The following BANK1 variants were observed in gnomAD, a reference collection of about 807,000 sequenced individuals.
BANK1 encodes B-cell scaffold protein with ankyrin repeats.
BANK1 carries 95 observed loss-of-function variants against 94.5 expected under a neutral mutation model. The observed-to-expected ratio is 1.00, with a 90% confidence interval of 0.85 to 1.19. The LOEUF (loss-of-function observed/expected upper bound fraction) is 1.19, where lower values mean the gene tolerates loss of function less well. Among genes scored for constraint, BANK1 ranks in the 50% most tolerant of loss-of-function variants. The pLI is 0.00. For synonymous variants in BANK1, 334 were observed against 308.4 expected (o/e 1.08, Z -0.87); for missense variants, 987 against 932.2 (o/e 1.06, Z -0.77).
intron 7 of BANK1, among the ~76,000 whole-genome samples, chr4:101,988,925 C>T (rs182539224): frequency 8.5e-5 from 13 of 152,240 alleles, no homozygotes; most frequent in African/African-American, 2.9e-4. Context: ...TAAGAAATTA[C>T]CATATACCCT....
At chr4:102,012,066 A>G (rs919754403) in intron 7 of BANK1, among the ~76,000 whole-genome samples, 1 of 152,152 alleles carries the variant, frequency 6.6e-6, no homozygotes, top group Non-Finnish European at 1.5e-5. Context: ...TTTTTAAATG[A>G]GATACTTCTC....
chr4:101,802,055 G>A (rs181519948), intron 1 of BANK1, among the ~76,000 whole-genome samples: 4 of 152,136 alleles, frequency 2.6e-5, no homozygotes, highest in Non-Finnish European at 4.4e-5. Context: ...CAATATTTGG[G>A]CAGGAAAACA....
intron 5 of BANK1, among the ~76,000 whole-genome samples, chr4:101,888,858 A>G (rs1721731011): frequency 6.6e-6 from 1 of 152,208 alleles, no homozygotes. Context: ...GTGATCTGAA[A>G]TACTTCCCAG....
chr4:101,859,171 G>A (rs1376413646), intron 3 of BANK1, among the ~76,000 whole-genome samples: 1 of 152,186 alleles, frequency 6.6e-6, no homozygotes, highest in Non-Finnish European at 1.5e-5. Flanking sequence ...GGAAAATACA[G>A]TAAAAGCAGC....
chr4:102,068,231 A>T (rs191354819), intron 13 of BANK1, among the ~76,000 whole-genome samples: 2 of 152,254 alleles, frequency 1.3e-5, no homozygotes, highest in African/African-American at 4.8e-5. Context: ...TATACTAGAA[A>T]ATAACAAAAA....
chr4:101,885,918 A>G (rs1728837154), intron 5 of BANK1, among the ~76,000 whole-genome samples: 1 of 152,234 alleles, frequency 6.6e-6, no homozygotes, highest in Non-Finnish European at 1.5e-5. Flanking sequence ...AATGTACTGA[A>G]TAGTGTAGGC....
At chr4:101,859,321 A>T (rs1156896325) in intron 3 of BANK1, among the ~76,000 whole-genome samples, 1 of 152,166 alleles carries the variant, frequency 6.6e-6, no homozygotes, top group East Asian at 1.9e-4. Flanking sequence ...ACATACAGGG[A>T]CTATTAGGGG....
At chr4:101,901,771 T>G (rs1194492038) in intron 6 of BANK1, among the ~76,000 whole-genome samples, 1 of 151,906 alleles carries the variant, frequency 6.6e-6, no homozygotes, top group East Asian at 1.9e-4. Flanking sequence ...TTGTTTTTGT[T>G]TTTTTTTGAA....
Position 101,790,931 on chromosome 4 carries a change from C to T in BANK1, c.51C>T (p.Pro17=), listed in dbSNP as rs1022727058. The T allele has an allele frequency of 1.4e-5, 21 of 1,529,648 alleles. No individual in the cohort carries two copies. The highest frequency in any genetic ancestry group is 4.9e-5 in the East Asian group (2 of 40,874). 94.8% of individuals were successfully genotyped at this position (1,529,648 alleles called of 1,614,324 possible). Residue 17 remains proline (P), a synonymous_variant, in exon 1 of 17, where the codon CCC becomes CCT. Transcript: ENST00000322953. ...GKGLGSPDPA[P]CGPAPPGNTK... The stretch of plus-strand genomic sequence containing the variant: ...GGCTTGGGAGCCCGGACCCCGCCCC[C>T]TGCGGCCCAGCGCCCCCAGGTGGGT...
chr4:101,863,192 G>C (rs1727945981), intron 4 of BANK1, among the ~76,000 whole-genome samples: 1 of 151,784 alleles, frequency 6.6e-6, no homozygotes, highest in African/African-American at 2.4e-5. Flanking sequence ...TGATTATCCA[G>C]CTTTGCTTAT....
chr4:101,873,704 A>G (rs1728385917), intron 5 of BANK1, among the ~76,000 whole-genome samples: 1 of 152,302 alleles, frequency 6.6e-6, no homozygotes, highest in Non-Finnish European at 1.5e-5. Context: ...GAATCCCAGA[A>G]CATAGCCTCA....
At chr4:101,889,800 A>C (rs1721781037) in intron 5 of BANK1, among the ~76,000 whole-genome samples, 1 of 151,902 alleles carries the variant, frequency 6.6e-6, no homozygotes, top group Admixed American at 6.6e-5. Context: ...CTCTTTTCCA[A>C]TGTATTATAA....
At chr4:101,931,754 T>C (rs1055904142) in intron 7 of BANK1, among the ~76,000 whole-genome samples, 1 of 151,508 alleles carries the variant, frequency 6.6e-6, no homozygotes, top group Non-Finnish European at 1.5e-5. Flanking sequence ...ATCTGAATGC[T>C]AGTTTAATCA....
chr4:101,807,174 C>T (rs1452465254), intron 1 of BANK1, among the ~76,000 whole-genome samples: 1 of 152,084 alleles, frequency 6.6e-6, no homozygotes, highest in Non-Finnish European at 1.5e-5. Flanking sequence ...CTCATAAGAC[C>T]TTCCTCAATT....
chr4:101,899,885 A>G (rs1560623275), intron 6 of BANK1, among the ~76,000 whole-genome samples: 1 of 152,208 alleles, frequency 6.6e-6, no homozygotes, highest in Non-Finnish European at 1.5e-5. Context: ...TGGCCTCAGG[A>G]TGCAATCTAA....
chr4:102,071,209 AAGAG>A lies in BANK1; in HGVS notation c.2213-60_2213-57del, dbSNP rs1173482394. ...GAAGTAGTCCAACAATTAAAAAAAT[AAGAG>A]AGAGAATTTAAGATAAATATTGAAC... is the stretch of plus-strand genomic sequence containing the variant. On this transcript the variant is annotated intron_variant, in intron 13 of 16. Coordinates refer to ENST00000322953, the MANE Select transcript of BANK1 (RefSeq NM_017935.5). The A allele has an allele frequency of 2.8e-5, 43 of 1,524,808 alleles. No individual in the cohort carries two copies. The African/African-American group carries it at 2.9e-4, about 10-fold the overall frequency. 94.5% of individuals were successfully genotyped at this position (1,524,808 alleles called of 1,614,324 possible). A position where few individuals can be genotyped will look rare whatever the true frequency, so the allele number is the denominator to read the frequency against.
At chr4:101,988,179 C>G (rs186653216) in intron 7 of BANK1, among the ~76,000 whole-genome samples, 2 of 152,086 alleles carry the variant, frequency 1.3e-5, no homozygotes, top group African/African-American at 4.8e-5. Context: ...TTATGTTTAA[C>G]GAAAATAGTT....
Position 101,985,013 on chromosome 4 carries a change from A to G in BANK1, c.1207-36501A>G, listed in dbSNP as rs889956983. ...AGAACAGAACCAATAGGAGATTTCA[A>G]CAAGAGAGAGAGAGAGATTGATTTA... On this transcript the variant is annotated intron_variant, in intron 7 of 16. Transcript: ENST00000322953. Among the ~76,000 whole-genome samples, 12 of 152,244 alleles carry G rather than the reference A, an allele frequency of 7.9e-5. No individual in the cohort carries two copies. In the South Asian group the frequency reaches 8.3e-4, roughly 11 times the overall value.
intron 7 of BANK1, among the ~76,000 whole-genome samples, chr4:101,958,765 T>A (rs1438871425): frequency 1.3e-5 from 2 of 152,186 alleles, no homozygotes; most frequent in African/African-American, 4.8e-5. Context: ...CACATGCTCT[T>A]CTCGGCAGAG....
Sources: gnomAD v4.1 joint callset for allele counts (sites outside exome capture counted in the v4.1 genomes callset) on GRCh38, gnomAD v4.1.1 for gene constraint, MANE v1.5 for transcripts, NCBI Gene and HGNC (gene_info 2026-07-23, HGNC 2026-07-21) for gene names.